ST3GAL1: variants seen among roughly 807,000 people sequenced by gnomAD.
ST3GAL1 encodes the protein CMP-N-acetylneuraminate-beta-galactosamide-alpha-2,3-sialyltransferase 1.
Under a neutral mutation model 34.1 loss-of-function variants are expected in ST3GAL1, and 16 were observed. That is an observed-to-expected ratio of 0.47 (90% CI 0.32 to 0.71). The LOEUF is 0.71. ST3GAL1 is among the 30% of genes least tolerant of loss of function. The pLI is 0.04. For synonymous variants in ST3GAL1, 191 were observed against 184.7 expected (o/e 1.03, Z -0.28); for missense variants, 353 against 447.4 (o/e 0.79, Z 1.90).
At chr8:133,534,019 C>T (rs1402775945) in intron 2 of ST3GAL1, among the ~76,000 whole-genome samples, 2 of 152,140 alleles carry the variant, frequency 1.3e-5, no homozygotes, top group Admixed American at 6.6e-5. Flanking sequence ...CCCTGAGTGA[C>T]CTCTCCTCCA....
At position 133,500,427 on chromosome 8, in the gene ST3GAL1, CT is replaced by C. The variant is rs796461900; in HGVS notation, c.-428-1239del. Among the ~76,000 whole-genome samples the C allele has an allele frequency of 6.3e-4, 96 of 152,288 alleles. 1 individual carries two copies. Among genetic ancestry groups the C allele is most frequent in the African/African-American group, 2.3e-3 (94 of 41,554 alleles). ...TTTTTAGTATAATTACAAGTAAGTA[CT>C]TTTCAGAACAAGCAACACCTGCTCT... On this transcript the variant is annotated intron_variant, in intron 2 of 9. Transcript: ENST00000522652.
At chr8:133,525,377 G>A (rs1318671365) in intron 2 of ST3GAL1, among the ~76,000 whole-genome samples, 1 of 152,184 alleles carries the variant, frequency 6.6e-6, no homozygotes, top group African/African-American at 2.4e-5. Context: ...GGGCTCAGAA[G>A]GGAGGAAGTG....
Position 133,459,891 on chromosome 8 carries a change from T to G in ST3GAL1, c.896A>C (p.His299Pro), listed in dbSNP as rs773214471. 1 of 1,614,086 alleles carries G rather than the reference T, an allele frequency of 6.2e-7. No individual in the cohort carries two copies. The highest frequency in any genetic ancestry group is 1.7e-5 in the Admixed American group (1 of 60,010). Residue 299 changes from histidine (H) to proline (P), a missense_variant, in exon 10 of 10, where the codon CAC becomes CCC. Coordinates refer to ENST00000522652, the MANE Select transcript of ST3GAL1 (RefSeq NM_173344.3). The surrounding 1 kb of genome is among the most constrained non-coding windows in gnomAD (Gnocchi z 4.7). ...CGCGGATGGGTTGTTCTCCCAGTAG[T>G]GGTGCCAGTTCCCTTTGCTGTCTGC... ...FGADSKGNWH[H>P]YWENNPSAGA...
chr8:133,549,970 AAAAC>A (rs145922441), intron 1 of ST3GAL1, among the ~76,000 whole-genome samples: 27,406 of 152,000 alleles, frequency 0.18, 2,587 homozygotes, highest in South Asian at 0.32. Flanking sequence ...CTCAAAAAAC[AAAAC>A]AAACAAACAA....
chr8:133,570,105 C>T lies in ST3GAL1; in HGVS notation c.-582+1588G>A, dbSNP rs190459511. 1.3e-5 allele frequency: 2 copies of T among 152,540 alleles called. No homozygotes were observed. The highest frequency in any genetic ancestry group is 1.9e-4 in the East Asian group (1 of 5,186). 9.4% of individuals were successfully genotyped at this position (152,540 alleles called of 1,614,324 possible). On this transcript the variant is annotated intron_variant, in intron 1 of 9. Transcript: ENST00000522652. This position sits in a 1 kb window ranked among gnomAD's most constrained non-coding sequence, Gnocchi z 5.6. ...GACTATTGGAAAACCCGGCTCCCCTCTCACCCCGTTTTCCTCGTTGGCGAG... is the reference window on the plus strand; with the variant it reads ...GACTATTGGAAAACCCGGCTCCCCTTTCACCCCGTTTTCCTCGTTGGCGAG...
intron 3 of ST3GAL1, among the ~76,000 whole-genome samples, chr8:133,485,804 G>T (rs1816569586): frequency 6.6e-6 from 1 of 151,644 alleles, no homozygotes; most frequent in South Asian, 2.1e-4. Context: ...GGGGATAGAA[G>T]GTCGGGAGTT....
chr8:133,555,687 T>C (rs1048004162), intron 1 of ST3GAL1, among the ~76,000 whole-genome samples: 3 of 152,190 alleles, frequency 2.0e-5, no homozygotes, highest in Non-Finnish European at 4.4e-5. Flanking sequence ...TGTTTCCTTT[T>C]TTTCCACCTC....
chr8:133,545,396 T>C (rs930256863), intron 2 of ST3GAL1, among the ~76,000 whole-genome samples: 1 of 152,240 alleles, frequency 6.6e-6, no homozygotes, highest in African/African-American at 2.4e-5. Context: ...GGCCACAGTT[T>C]GCTGATGCTT....
chr8:133,505,696 G>T (rs1368623552), intron 2 of ST3GAL1, among the ~76,000 whole-genome samples: 2 of 151,660 alleles, frequency 1.3e-5, no homozygotes, highest in Admixed American at 1.3e-4. Flanking sequence ...TCCACCTCCT[G>T]GGTTCAAGCG....
chr8:133,474,329 C>T (rs1816076000), intron 5 of ST3GAL1, among the ~76,000 whole-genome samples: 12 of 152,178 alleles, frequency 7.9e-5, no homozygotes, highest in Admixed American at 7.8e-4. Context: ...CCCATCACTC[C>T]TGCAACCCAA....
At chr8:133,464,153 G>A (rs994097872) in intron 7 of ST3GAL1, among the ~76,000 whole-genome samples, 4 of 152,216 alleles carry the variant, frequency 2.6e-5, no homozygotes, top group African/African-American at 4.8e-5. Flanking sequence ...GCTCTGTGTC[G>A]AGTTCAACCC....
At chr8:133,524,922 T>C (rs1586640855) in intron 2 of ST3GAL1, among the ~76,000 whole-genome samples, 1 of 152,280 alleles carries the variant, frequency 6.6e-6, no homozygotes, top group Non-Finnish European at 1.5e-5. Flanking sequence ...CAGCCCTGGC[T>C]TGGGGAGCCC....
In ST3GAL1 at chr8:133,491,774, G is replaced by A. The variant is rs146010941; in HGVS notation, c.-374+7361C>T. On this transcript the variant is annotated intron_variant, in intron 3 of 9. Transcript: ENST00000522652. The stretch of plus-strand genomic sequence containing the variant: ...AGCGTCAGGCGACAGCAGGCATTTC[G>A]CATGAACCATCCCATCCCTACACAC... 4.7e-3 allele frequency among the ~76,000 whole-genome samples: 711 copies of A among 152,252 alleles called. 5 individuals carry two copies. Among genetic ancestry groups the A allele is most frequent in the Non-Finnish European group, 7.4e-3 (502 of 68,010 alleles).
At chr8:133,483,474 G>C (rs560352691) in intron 3 of ST3GAL1, among the ~76,000 whole-genome samples, 1 of 152,268 alleles carries the variant, frequency 6.6e-6, no homozygotes, top group East Asian at 1.9e-4. Context: ...TCCCCACTAA[G>C]CTTCAAGGTC....
chr8:133,516,008 C>A (rs1817635343), intron 2 of ST3GAL1, among the ~76,000 whole-genome samples: 1 of 152,088 alleles, frequency 6.6e-6, no homozygotes, highest in Non-Finnish European at 1.5e-5. Context: ...GTGCCTATCA[C>A]CATGCCTGGC....
intron 2 of ST3GAL1, among the ~76,000 whole-genome samples, chr8:133,516,759 A>G (rs1817660159): frequency 6.6e-6 from 1 of 152,224 alleles, no homozygotes; most frequent in African/African-American, 2.4e-5. Context: ...TACAACCCTC[A>G]TAACTCTAAG....
At chr8:133,568,035 C>T (rs1297872550) in intron 1 of ST3GAL1, among the ~76,000 whole-genome samples, 1 of 151,938 alleles carries the variant, frequency 6.6e-6, no homozygotes, top group Non-Finnish European at 1.5e-5. Flanking sequence ...ATTCTCCTGC[C>T]TCAGCCTCCT....
In ST3GAL1 at chr8:133,467,981, G is replaced by A. The variant is rs567710721; in HGVS notation, c.307-1891C>T. Among the ~76,000 whole-genome samples, 10 of 152,260 alleles carry A rather than the reference G, an allele frequency of 6.6e-5. No homozygotes were observed. Among genetic ancestry groups the A allele is most frequent in the East Asian group, 1.9e-4 (1 of 5,188 alleles). On this transcript the variant is annotated intron_variant, in intron 5 of 9. Transcript: ENST00000522652. The surrounding 1 kb of genome is among the most constrained non-coding windows in gnomAD (Gnocchi z 4.2). ...GTAAAAGGGCAAAACAACAGGTATCGGTGAGGATGTGGAGAAAATGGAACT... is the reference window on the plus strand; with the variant it reads ...GTAAAAGGGCAAAACAACAGGTATCAGTGAGGATGTGGAGAAAATGGAACT...
intron 3 of ST3GAL1, among the ~76,000 whole-genome samples, chr8:133,495,752 G>A (rs759326978): frequency 2.0e-5 from 3 of 152,212 alleles, no homozygotes; most frequent in Non-Finnish European, 4.4e-5. Flanking sequence ...GTAACCCATA[G>A]CATGTGTGGC....
Sources: gnomAD v4.1 joint callset for allele counts (sites outside exome capture counted in the v4.1 genomes callset) on GRCh38, gnomAD v4.1.1 for gene constraint, Gnocchi (gnomAD v3.1) non-coding constraint, MANE v1.5 for transcripts, NCBI Gene and HGNC (gene_info 2026-07-23, HGNC 2026-07-21) for gene names.